The following ASIC2 variants were observed in gnomAD, a reference collection of about 807,000 sequenced individuals.
The protein encoded by ASIC2 is acid sensing ion channel subunit 2.
ASIC2 carries 25 observed loss-of-function variants against 57.3 expected under a neutral mutation model. The ratio of observed to expected loss-of-function variants is 0.44; its 90% CI spans 0.32 to 0.61. The LOEUF (loss-of-function observed/expected upper bound fraction) is 0.61, where lower values mean the gene tolerates loss of function less well. ASIC2 is among the 20% of genes least tolerant of loss of function. The pLI, the probability that ASIC2 is intolerant of heterozygous loss-of-function variation, is 0.06. For synonymous variants in ASIC2, 319 were observed against 307.5 expected (o/e 1.04, Z -0.39); for missense variants, 641 against 738.1 (o/e 0.87, Z 1.52).
At chr17:33,960,647 T>C (rs1370694459) in intron 1 of ASIC2, among the ~76,000 whole-genome samples, 5 of 152,204 alleles carry the variant, frequency 3.3e-5, no homozygotes. Context: ...ATTTATATTC[T>C]GGCCACACTG....
intron 1 of ASIC2, among the ~76,000 whole-genome samples, chr17:33,764,418 T>C (rs1048251899): frequency 1.3e-5 from 2 of 152,058 alleles, no homozygotes; most frequent in African/African-American, 2.4e-5. Flanking sequence ...TATATTCTCC[T>C]GCTTATAACA....
At chr17:33,738,500 C>T (rs1367308994) in intron 1 of ASIC2, among the ~76,000 whole-genome samples, 2 of 152,154 alleles carry the variant, frequency 1.3e-5, no homozygotes, top group Non-Finnish European at 2.9e-5. Context: ...TGGGATAATT[C>T]TGGGGGATTG....
chr17:33,195,544 A>G (rs1347984109), intron 1 of ASIC2, among the ~76,000 whole-genome samples: 1 of 152,246 alleles, frequency 6.6e-6, no homozygotes, highest in Non-Finnish European at 1.5e-5. Context: ...TTGATCATGT[A>G]TAGTAAATGG....
At chr17:33,878,132 G>T (rs1022280633) in intron 1 of ASIC2, among the ~76,000 whole-genome samples, 1 of 152,020 alleles carries the variant, frequency 6.6e-6, no homozygotes, top group African/African-American at 2.4e-5. Flanking sequence ...AAAGACCAAA[G>T]GTAGATAAAA....
chr17:33,690,736 CTTCA>C (rs1908336396), intron 1 of ASIC2, among the ~76,000 whole-genome samples: 1 of 140,454 alleles, frequency 7.1e-6, no homozygotes, highest in African/African-American at 2.7e-5. Context: ...GACAGTTACT[CTTCA>C]TTGTTTTTTT....
intron 1 of ASIC2, among the ~76,000 whole-genome samples, chr17:34,122,482 C>T (rs147304378): frequency 2.0e-5 from 3 of 152,342 alleles, no homozygotes; most frequent in Non-Finnish European, 4.4e-5. Context: ...ACTTCGATAT[C>T]GACTTGTTTC....
intron 1 of ASIC2, chr17:34,142,892 T>G (rs904969208): frequency 6.6e-6 from 1 of 152,228 alleles, no homozygotes; most frequent in Non-Finnish European, 1.5e-5. Context: ...GTGAGACCCC[T>G]GAGCCCACTA....
intron 1 of ASIC2, among the ~76,000 whole-genome samples, chr17:33,452,466 C>T (rs1912284546): frequency 6.6e-6 from 1 of 152,200 alleles, no homozygotes; most frequent in Admixed American, 6.5e-5. Flanking sequence ...TGCTTGAAAG[C>T]AATGGAAAAG....
At chr17:34,039,337 T>C (rs1470737201) in intron 1 of ASIC2, 2 of 1,613,988 alleles carry the variant, frequency 1.2e-6, no homozygotes, top group East Asian at 4.5e-5. Context: ...ACTGTTTTGC[T>C]GAGCTGAAAC....
At chr17:33,795,395 C>T (rs1911887403) in intron 1 of ASIC2, among the ~76,000 whole-genome samples, 1 of 152,236 alleles carries the variant, frequency 6.6e-6, no homozygotes, top group South Asian at 2.1e-4. Flanking sequence ...CTCTCTTTGC[C>T]CCATCCTTTT....
chr17:33,691,902 T>C (rs994148549), intron 1 of ASIC2, among the ~76,000 whole-genome samples: 1 of 152,130 alleles, frequency 6.6e-6, no homozygotes, highest in African/African-American at 2.4e-5. Flanking sequence ...AAACACATCG[T>C]TGGGTGATTT....
At chr17:33,309,236 G>T (rs765763594) in intron 1 of ASIC2, among the ~76,000 whole-genome samples, 8 of 151,774 alleles carry the variant, frequency 5.3e-5, no homozygotes, top group Non-Finnish European at 1.0e-4. Flanking sequence ...TTCTTGGTCA[G>T]ATGTCGTAGA....
intron 1 of ASIC2, among the ~76,000 whole-genome samples, chr17:33,463,393 G>T (rs1253941119): frequency 6.6e-6 from 1 of 152,090 alleles, no homozygotes; most frequent in East Asian, 1.9e-4. Context: ...CTTCCTCTTT[G>T]TCACATGACC....
chr17:33,150,556 G>A (rs912113719), intron 1 of ASIC2, among the ~76,000 whole-genome samples: 1 of 152,044 alleles, frequency 6.6e-6, no homozygotes, highest in Non-Finnish European at 1.5e-5. Context: ...TTAAATCATA[G>A]TGAAGTCTTT....
intron 1 of ASIC2, among the ~76,000 whole-genome samples, chr17:33,547,189 C>T (rs1178012347): frequency 6.6e-6 from 1 of 152,092 alleles, no homozygotes; most frequent in African/African-American, 2.4e-5. Context: ...GAAGCACTGT[C>T]CTAGGAGACA....
At chr17:33,336,603 C>T (rs1008995718) in intron 1 of ASIC2, among the ~76,000 whole-genome samples, 3 of 152,068 alleles carry the variant, frequency 2.0e-5, no homozygotes, top group East Asian at 1.9e-4. Context: ...GGGAGGGTAT[C>T]GTTTAGTCCC....
chr17:34,113,691 A>T (rs1338946257), intron 1 of ASIC2, among the ~76,000 whole-genome samples: 1 of 151,936 alleles, frequency 6.6e-6, no homozygotes, highest in South Asian at 2.1e-4. Context: ...CAGCTTGAAC[A>T]ACAAAGTGAG....
At chr17:33,078,422 A>C (rs1408142933) in intron 3 of ASIC2, among the ~76,000 whole-genome samples, 1 of 152,236 alleles carries the variant, frequency 6.6e-6, no homozygotes, top group African/African-American at 2.4e-5. Flanking sequence ...TATTTAAGTT[A>C]CACCATATCT....
At chr17:33,362,591 C>T (rs575698361) in intron 1 of ASIC2, among the ~76,000 whole-genome samples, 2 of 152,312 alleles carry the variant, frequency 1.3e-5, no homozygotes, top group South Asian at 4.1e-4. Context: ...CAGTGCCTCC[C>T]TCTTGAAACG....
Sources: allele counts gnomAD v4.1 joint callset (sites outside exome capture counted in the v4.1 genomes callset), GRCh38; gene constraint gnomAD v4.1.1; transcripts MANE v1.5; gene names NCBI Gene and HGNC (gene_info 2026-07-23, HGNC 2026-07-21).